The following DGKG variants were observed in gnomAD, a reference collection of about 807,000 sequenced individuals.
DGKG encodes DAG kinase gamma.
Under a neutral mutation model 105.3 loss-of-function variants are expected in DGKG, and 78 were observed. The ratio of observed to expected loss-of-function variants is 0.74; its 90% CI spans 0.62 to 0.89. DGKG has a LOEUF of 0.89. Among genes scored for constraint, DGKG ranks in the 40% least tolerant of loss-of-function variants. DGKG has a pLI of 0.00. For missense variants in DGKG, 958 were observed against 1,020.1 expected, an observed-to-expected ratio of 0.94 and a Z score of 0.83; for synonymous variants, 346 against 367.1, an observed-to-expected ratio of 0.94 and a Z score of 0.66.
intron 5 of DGKG, among the ~76,000 whole-genome samples, chr3:186,296,774 C>T (rs1723584910): frequency 6.6e-6 from 1 of 152,178 alleles, no homozygotes; most frequent in Admixed American, 6.5e-5. Context: ...TATATAATCT[C>T]TTAAGGCCTC....
chr3:186,211,088 C>A (rs535468536), intron 21 of DGKG, among the ~76,000 whole-genome samples: 1 of 152,242 alleles, frequency 6.6e-6, no homozygotes, highest in South Asian at 2.1e-4. Context: ...TGAGGCAGGC[C>A]CCTACAAGTG....
At chr3:186,194,335 C>T (rs940396500) in intron 21 of DGKG, among the ~76,000 whole-genome samples, 2 of 152,250 alleles carry the variant, frequency 1.3e-5, no homozygotes, top group Non-Finnish European at 2.9e-5. Context: ...CCGACTTCTC[C>T]GCCCTCGCCA....
chr3:186,277,988 T>G (rs918009236), intron 9 of DGKG, among the ~76,000 whole-genome samples: 2 of 152,156 alleles, frequency 1.3e-5, no homozygotes, highest in African/African-American at 2.4e-5. Context: ...TAAAAATAAG[T>G]GCATAAAACT....
intron 7 of DGKG, among the ~76,000 whole-genome samples, chr3:186,281,410 A>C (rs756850086): frequency 6.6e-6 from 1 of 152,332 alleles, no homozygotes; most frequent in South Asian, 2.1e-4. Context: ...CCAATGAGTC[A>C]GTGTTCTGAG....
At position 186,356,812 on chromosome 3, in the gene DGKG, C is replaced by A. The variant is rs551593875; in HGVS notation, c.-249+5134G>T. 3.3e-5 allele frequency among the ~76,000 whole-genome samples: 5 copies of A among 152,250 alleles called. No individual in the cohort carries two copies. In the East Asian group the frequency reaches 5.8e-4, roughly 18 times the overall value. The stretch of plus-strand genomic sequence containing the variant: ...TTAATAGGTTGCGAGATCTTAAGAG[C>A]TGGTTCAGGACTCCCTGAGGAGAAG... On this transcript the variant is annotated intron_variant, in intron 1 of 24. Transcript: ENST00000265022.
chr3:186,225,843 C>T (rs1205002493), intron 20 of DGKG, among the ~76,000 whole-genome samples: 1 of 152,202 alleles, frequency 6.6e-6, no homozygotes, highest in Non-Finnish European at 1.5e-5. Context: ...TACTTTCTTC[C>T]TCAGATCCTT....
intron 20 of DGKG, among the ~76,000 whole-genome samples, chr3:186,228,242 A>T (rs1383720228): frequency 6.6e-6 from 1 of 151,548 alleles, no homozygotes; most frequent in East Asian, 1.9e-4. Context: ...ATGTGTACTG[A>T]CTCCTCCAGG....
intron 20 of DGKG, among the ~76,000 whole-genome samples, chr3:186,216,365 T>G (rs1719293916): frequency 6.6e-6 from 1 of 152,116 alleles, no homozygotes; most frequent in Non-Finnish European, 1.5e-5. Flanking sequence ...ACGTGGCTTT[T>G]AGATATGTTC....
chr3:186,233,231 G>C (rs913761938), intron 20 of DGKG, among the ~76,000 whole-genome samples: 1 of 152,192 alleles, frequency 6.6e-6, no homozygotes, highest in African/African-American at 2.4e-5. Context: ...AAGTGGAAGA[G>C]GGAGGCAGGA....
At chr3:186,311,887 C>T (rs1430478074) in intron 2 of DGKG, among the ~76,000 whole-genome samples, 1 of 129,032 alleles carries the variant, frequency 7.8e-6, no homozygotes, top group East Asian at 1.9e-4. Flanking sequence ...GAGGCCGAGG[C>T]GGGTGGATCA....
At chr3:186,195,214 G>T (rs1718121064) in intron 21 of DGKG, among the ~76,000 whole-genome samples, 2 of 151,878 alleles carry the variant, frequency 1.3e-5, no homozygotes, top group Non-Finnish European at 2.9e-5. Flanking sequence ...GCAACAGGCA[G>T]CTAATCTTGT....
At position 186,246,818 on chromosome 3, in the gene DGKG, C is replaced by T. The variant is rs545119757; in HGVS notation, c.1762-4250G>A. On this transcript the variant is annotated intron_variant, in intron 19 of 24. Coordinates refer to ENST00000265022, the MANE Select transcript of DGKG (RefSeq NM_001346.3). ...TAGGAACGATCTGCAAGGTGGAAAA[C>T]GGTGCGTGGGTCAGTGCAACCACTG... Among the ~76,000 whole-genome samples, 3 of 152,260 alleles carry T rather than the reference C, an allele frequency of 2.0e-5. No individual in the cohort carries two copies. In the South Asian group the frequency reaches 6.2e-4, roughly 32 times the overall value.
intron 19 of DGKG, among the ~76,000 whole-genome samples, chr3:186,247,599 A>G (rs186086182): frequency 6.6e-6 from 1 of 151,884 alleles, no homozygotes; most frequent in African/African-American, 2.4e-5. Context: ...TCAGCCCCAG[A>G]CTCTGTTAGG....
intron 19 of DGKG, among the ~76,000 whole-genome samples, chr3:186,249,376 G>A (rs534847887): frequency 6.6e-6 from 1 of 152,222 alleles, no homozygotes; most frequent in African/African-American, 2.4e-5. Context: ...GAGAATAAAG[G>A]CAAATCCCTT....
At chr3:186,346,347 T>C (rs1348961071) in intron 1 of DGKG, among the ~76,000 whole-genome samples, 1 of 152,248 alleles carries the variant, frequency 6.6e-6, no homozygotes, top group Admixed American at 6.5e-5. Flanking sequence ...GTAAAGACCA[T>C]GCCCTCTAGT....
rs1484821913 is a variant in DGKG, at chr3:186,210,636, G to A, written c.1917+1159C>T. ...AAACTCCCTGTGAGTGAGGAGCACA[G>A]GGGCCCTTCCGGCAGGGAGGGGCAG... is the stretch of plus-strand genomic sequence containing the variant. On this transcript the variant is annotated intron_variant, in intron 21 of 24. Coordinates refer to ENST00000265022, the MANE Select transcript of DGKG (RefSeq NM_001346.3). This position sits in a 1 kb window ranked among gnomAD's most constrained non-coding sequence, Gnocchi z 5.2. The A allele has an allele frequency of 1.8e-5, 8 of 454,108 alleles. No individual in the cohort carries two copies. Among genetic ancestry groups the A allele is most frequent in the Middle Eastern group, 5.7e-4 (1 of 1,760 alleles). 28.1% of individuals were successfully genotyped at this position (454,108 alleles called of 1,614,324 possible).
At chr3:186,162,138 C>T (rs563363493) in intron 23 of DGKG, among the ~76,000 whole-genome samples, 2 of 152,294 alleles carry the variant, frequency 1.3e-5, no homozygotes, top group African/African-American at 2.4e-5. Flanking sequence ...TCAGGTGATC[C>T]GCCTGCCTTG....
chr3:186,280,600 T>A, intron 8 of DGKG, 70 bp downstream of exon 8: 2 of 1,231,130 alleles, frequency 1.6e-6, no homozygotes, highest in Non-Finnish European at 2.4e-6. Context: ...CACTCATTCA[T>A]GTCTTGAGTG....
rs576269297 is a variant in DGKG, at chr3:186,332,661, A to G, written c.-248-11954T>C. Among the ~76,000 whole-genome samples, 10 of 152,280 alleles carry G rather than the reference A, an allele frequency of 6.6e-5. No individual in the cohort carries two copies. The South Asian group carries it at 1.7e-3, about 25-fold the overall frequency. ...AGTTCTTCTTCATCTCTAAATGGGA[A>G]TGGTGAAAATATTAACACATGCTTC... On this transcript the variant is annotated intron_variant, in intron 1 of 24. Transcript: ENST00000265022.
Sources: allele counts gnomAD v4.1 joint callset (sites outside exome capture counted in the v4.1 genomes callset), GRCh38; gene constraint gnomAD v4.1.1; non-coding constraint Gnocchi (gnomAD v3.1); transcripts MANE v1.5; gene names NCBI Gene and HGNC (gene_info 2026-07-23, HGNC 2026-07-21).